FUBP3: variants seen among roughly 807,000 people sequenced by gnomAD.
FUBP3 encodes far upstream element binding protein 3, also known as far upstream element-binding protein 3.
FUBP3 carries 28 observed loss-of-function variants against 85.6 expected under a neutral mutation model. That is an observed-to-expected ratio of 0.33 (90% CI 0.24 to 0.45). FUBP3 has a LOEUF of 0.45. Among genes scored for constraint, FUBP3 ranks in the 20% least tolerant of loss-of-function variants. The probability of loss-of-function intolerance (pLI) is 1.00; values close to 1 mark genes in which losing one functional copy is unlikely to be tolerated. For missense variants in FUBP3, 583 were observed against 755.1 expected (o/e 0.77, Z 2.67); for synonymous variants, 271 against 271.4 (o/e 1.00, Z 0.01).
Position 130,612,968 on chromosome 9 carries a change from G to C in FUBP3, c.287G>C (p.Gly96Ala). The C allele has an allele frequency of 6.2e-7, 1 of 1,611,906 alleles. No homozygotes were observed. The highest frequency in any genetic ancestry group is 1.7e-5 in the Admixed American group (1 of 60,024). The change falls in exon 5 of 19, where the codon GGA (glycine) becomes GCA (alanine). Residue 96 changes from glycine (G) to alanine (A), a missense_variant. Around this residue, in one of 3 missense-constraint regions of FUBP3, gnomAD observed 177 missense variants for 221.9 expected, o/e 0.80. Transcript: ENST00000319725. This position sits in a 1 kb window ranked among gnomAD's most constrained non-coding sequence, Gnocchi z 4.1. ...DKMVGFIIGR[G>A]GEQISRIQAE... ...CAATTTGTTTCAGTTATCGGCAGGG[G>C]AGGTGAGCAGATTTCACGGATTCAA...
At chr9:130,617,943 A>C (rs747983971) in intron 8 of FUBP3, 48 bp downstream of exon 8, 1 of 812,654 alleles carries the variant, frequency 1.2e-6, no homozygotes, top group Non-Finnish European at 2.0e-6. Flanking sequence ...TGGGGCTATC[A>C]CTCGGTGGTA....
At chr9:130,626,549 C>T (rs371265770) in intron 12 of FUBP3, 44 bp downstream of exon 12, 8 of 1,597,622 alleles carry the variant, frequency 5.0e-6, no homozygotes, top group Non-Finnish European at 6.9e-6. Flanking sequence ...AGCTGTTTGG[C>T]TTGAGGGAAG....
At chr9:130,627,621 G>A (rs770362832) in intron 12 of FUBP3, among the ~76,000 whole-genome samples, 5 of 152,318 alleles carry the variant, frequency 3.3e-5, no homozygotes, top group Admixed American at 1.3e-4. Flanking sequence ...GTATGGGTTC[G>A]TGTTCATTTG....
At chr9:130,626,021 G>A (rs923786340) in intron 11 of FUBP3, among the ~76,000 whole-genome samples, 1 of 152,226 alleles carries the variant, frequency 6.6e-6, no homozygotes, top group South Asian at 2.1e-4. Context: ...AAGGGAGAAA[G>A]CAGTTCTTGA....
At chr9:130,584,180 A>G (rs557886072) in intron 1 of FUBP3, among the ~76,000 whole-genome samples, 24 of 152,302 alleles carry the variant, frequency 1.6e-4, no homozygotes, top group Admixed American at 7.2e-4. Context: ...AAGACTTACT[A>G]TGGGCCTGCA....
At chr9:130,584,566 AAAAG>A (rs1299620216) in intron 1 of FUBP3, among the ~76,000 whole-genome samples, 1 of 151,660 alleles carries the variant, frequency 6.6e-6, no homozygotes, top group Non-Finnish European at 1.5e-5. Flanking sequence ...TGCATTAAAA[AAAAG>A]AGAGAGCAAG....
At chr9:130,598,655 C>G (rs1220574860) in intron 2 of FUBP3, among the ~76,000 whole-genome samples, 3 of 152,226 alleles carry the variant, frequency 2.0e-5, no homozygotes, top group Admixed American at 6.5e-5. Flanking sequence ...ATAAAAAGAT[C>G]ACAGCGTACT....
rs74632304 is a variant in FUBP3 at position 130,583,374 on chromosome 9, C to G, written c.84+3610C>G. Among the ~76,000 whole-genome samples, 1,245 of 152,286 alleles carry G rather than the reference C, an allele frequency of 8.2e-3. 9 individuals carry two copies. The highest frequency in any genetic ancestry group is 0.013 in the Non-Finnish European group (869 of 68,032). ...CTTCTTAGAACAAGCACTAGGTTTCCTTTTAAGAGAACACTGTACATCTAC... is the reference window on the plus strand; with the variant it reads ...CTTCTTAGAACAAGCACTAGGTTTCGTTTTAAGAGAACACTGTACATCTAC... On this transcript the variant is annotated intron_variant, in intron 1 of 18. Coordinates refer to ENST00000319725, the MANE Select transcript of FUBP3 (RefSeq NM_003934.2).
intron 13 of FUBP3, 38 bp from the exon 14 acceptor site, chr9:130,631,519 A>T (rs748245098): frequency 6.4e-7 from 1 of 1,571,556 alleles, no homozygotes; most frequent in Admixed American, 1.7e-5. Context: ...GAGGTGTGCA[A>T]CCAACAGCGG....
rs771323314 is a variant in FUBP3 at position 130,623,700 on chromosome 9, C to G, written c.964C>G (p.Leu322Val). Residue 322 changes from leucine to valine, a missense_variant, in exon 11 of 19, where the codon CTT (leucine) becomes GTT (valine). Physicochemically the swap from Leu to Val is conservative, Grantham distance 32. This residue lies in a region of FUBP3 where 404 missense variants were observed against 516.8 expected (regional missense o/e 0.78). Coordinates refer to ENST00000319725, the MANE Select transcript of FUBP3 (RefSeq NM_003934.2). ...AGCGCATATCATCAGCGAGCTGATT[C>G]TTACAGCCCAGGTGGGTCCAGCTCT... ...HAAHIISELI[L>V]TAQERDGFGG... 3 of 1,610,652 alleles carry G rather than the reference C, an allele frequency of 1.9e-6. No homozygotes were observed. The highest frequency in any genetic ancestry group is 2.2e-5 in the East Asian group (1 of 44,848).
chr9:130,613,954 G>A (rs1042601206), intron 5 of FUBP3, among the ~76,000 whole-genome samples: 1 of 152,150 alleles, frequency 6.6e-6, no homozygotes, highest in African/African-American at 2.4e-5. Context: ...AACTACAAAT[G>A]GAGAAACTGA....
intron 2 of FUBP3, among the ~76,000 whole-genome samples, chr9:130,603,759 A>G (rs898532545): frequency 6.6e-6 from 1 of 152,254 alleles, no homozygotes; most frequent in Admixed American, 6.5e-5. Context: ...TTAATAGGGA[A>G]GAAAAGTAGT....
At chr9:130,618,930 G>A (rs779484679) in intron 8 of FUBP3, among the ~76,000 whole-genome samples, 1 of 152,188 alleles carries the variant, frequency 6.6e-6, no homozygotes, top group Non-Finnish European at 1.5e-5. Flanking sequence ...TCAGTGATAC[G>A]GTTGTTCACT....
At chr9:130,609,771 AAG>A (rs1831647505) in intron 2 of FUBP3, among the ~76,000 whole-genome samples, 181 bp from the exon 3 acceptor site, 1 of 152,136 alleles carries the variant, frequency 6.6e-6, no homozygotes, top group African/African-American at 2.4e-5. Context: ...TGTGTTGATC[AAG>A]ATGTCCCCTC....
chr9:130,630,032 C>G (rs1235508722), intron 12 of FUBP3, among the ~76,000 whole-genome samples: 1 of 152,224 alleles, frequency 6.6e-6, no homozygotes, highest in Admixed American at 6.5e-5. Context: ...TGACCTCCAC[C>G]CCATCCTTGC....
chr9:130,627,659 T>G (rs1272316490), intron 12 of FUBP3, among the ~76,000 whole-genome samples: 1 of 151,880 alleles, frequency 6.6e-6, no homozygotes, highest in Admixed American at 6.5e-5. Flanking sequence ...TGGTGAGTGT[T>G]TGGGGATATT....
At chr9:130,630,444 G>A (rs1830165539) in intron 12 of FUBP3, among the ~76,000 whole-genome samples, 184 bp from the exon 13 acceptor site, 1 of 152,244 alleles carries the variant, frequency 6.6e-6, no homozygotes, top group South Asian at 2.1e-4. Context: ...AGTTTTGCAA[G>A]TGAGAGAGCC....
intron 1 of FUBP3, among the ~76,000 whole-genome samples, chr9:130,590,662 G>GT (rs1564191778): frequency 6.6e-6 from 1 of 152,134 alleles, no homozygotes; most frequent in Non-Finnish European, 1.5e-5. Flanking sequence ...CTTCCCTTAA[G>GT]TAACTACTGT....
chr9:130,631,749 G>T, intron 14 of FUBP3, 119 bp downstream of exon 14: 1 of 891,110 alleles, frequency 1.1e-6, no homozygotes, highest in South Asian at 1.5e-5. Flanking sequence ...GCGTGGGCAG[G>T]ACTCGTTTCT....
Sources: allele counts gnomAD v4.1 joint callset (sites outside exome capture counted in the v4.1 genomes callset), GRCh38; gene constraint gnomAD v4.1.1; regional missense constraint gnomAD v4.1.1; non-coding constraint Gnocchi (gnomAD v3.1); transcripts MANE v1.5; gene names NCBI Gene and HGNC (gene_info 2026-07-23, HGNC 2026-07-21).